Variants in LIN9 observed in about 807,000 individuals in gnomAD.
LIN9 encodes lin-9 DREAM MuvB core complex component.
Under a neutral mutation model 78.0 loss-of-function variants are expected in LIN9, and 18 were observed. The ratio of observed to expected loss-of-function variants is 0.23; its 90% confidence interval spans 0.16 to 0.34. The LOEUF (loss-of-function observed/expected upper bound fraction) is 0.34. Ranked by LOEUF, LIN9 falls within the 10% of genes least tolerant of loss-of-function variation. LIN9 has a pLI of 1.00. For missense variants in LIN9, 451 were observed against 644.1 expected (o/e 0.70, Z 3.25); for synonymous variants, 192 against 215.2 (o/e 0.89, Z 0.94).
intron 11 of LIN9, among the ~76,000 whole-genome samples, chr1:226,241,455 C>T (rs776801831): frequency 6.6e-6 from 1 of 152,164 alleles, no homozygotes; most frequent in African/African-American, 2.4e-5. Context: ...AAGTCTCTAT[C>T]TTCATCTTTT....
chr1:226,255,914 A>G (rs1659161010), intron 10 of LIN9, among the ~76,000 whole-genome samples: 1 of 152,082 alleles, frequency 6.6e-6, no homozygotes, highest in Non-Finnish European at 1.5e-5. Context: ...AAGGAGAGGA[A>G]AGAGAGAAAA....
Position 226,295,859 on chromosome 1 carries a change from C to A in LIN9, c.247G>T (p.Val83Phe). The change falls in exon 4 of 15, where the codon GTT (valine) becomes TTT (phenylalanine). Residue 83 changes from valine (V) to phenylalanine (F), a missense_variant. Coordinates refer to ENST00000681046, the MANE Select transcript of LIN9 (RefSeq NM_001366245.2). ...NTRSPKRNQRVAMVPQKFTAT... is the reference protein window; with the variant it reads ...NTRSPKRNQRFAMVPQKFTAT... Reference sequence around the variant, plus strand: ...ACACATACCTGTGGAACCATTGCAACCCTCTGGTTTCTTTTAGGTGACCTT... The same window carrying A: ...ACACATACCTGTGGAACCATTGCAAACCTCTGGTTTCTTTTAGGTGACCTT... The A allele has an allele frequency of 6.2e-7, 1 of 1,610,838 alleles. No homozygotes were observed. Among genetic ancestry groups the A allele is most frequent in the Non-Finnish European group, 8.5e-7 (1 of 1,178,556 alleles).
intron 8 of LIN9, among the ~76,000 whole-genome samples, chr1:226,267,003 C>T (rs1204064999): frequency 8.9e-4 from 135 of 152,000 alleles, no homozygotes; most frequent in Non-Finnish European, 1.2e-4. Flanking sequence ...TGGTCTTGAA[C>T]TCCTGACATC....
chr1:226,241,752 G>A (rs1422325437), intron 11 of LIN9, among the ~76,000 whole-genome samples: 3 of 152,096 alleles, frequency 2.0e-5, no homozygotes, highest in African/African-American at 7.2e-5. Context: ...CAGCTACTCG[G>A]GAGGCTGAGG....
At position 226,273,811 on chromosome 1, in the gene LIN9, T is replaced by C. The variant is rs1165969187; in HGVS notation, c.682+3964A>G. Reference sequence around the variant, plus strand: ...TTTTGAGCCACAATGGGCTAGGAACTACAATGCTCCCTCTCAACATTACTT... The same window carrying C: ...TTTTGAGCCACAATGGGCTAGGAACCACAATGCTCCCTCTCAACATTACTT... On this transcript the variant is annotated intron_variant, in intron 7 of 14. Coordinates refer to ENST00000681046, the MANE Select transcript of LIN9 (RefSeq NM_001366245.2). Among the ~76,000 whole-genome samples, 12 of 150,900 alleles carry C rather than the reference T, an allele frequency of 8.0e-5. No homozygotes were observed. The Admixed American group carries it at 8.0e-4, about 10-fold the overall frequency.
At chr1:226,286,607 C>G in intron 5 of LIN9, 149 bp from the exon 6 acceptor site, 1 of 594,620 alleles carries the variant, frequency 1.7e-6, no homozygotes, top group Non-Finnish European at 2.8e-6. Flanking sequence ...AAATCCTTGG[C>G]ATTTGTGAAA....
At chr1:226,273,256 A>ATTTTTTTTTTT (rs34679926) in intron 7 of LIN9, among the ~76,000 whole-genome samples, 2 of 87,270 alleles carry the variant, frequency 2.3e-5, no homozygotes, top group Non-Finnish European at 4.4e-5. Flanking sequence ...TAATTAGGTA[A>ATTTTTTTTTTT]TTTTTTTTTT....
chr1:226,287,232 C>T (rs1661429476), intron 5 of LIN9, among the ~76,000 whole-genome samples: 1 of 152,112 alleles, frequency 6.6e-6, no homozygotes, highest in Non-Finnish European at 1.5e-5. Flanking sequence ...TATGTGTATA[C>T]CTAGCGTGCT....
At chr1:226,301,028 ATTAAT>A (rs1388063326) in intron 2 of LIN9, 140 bp downstream of exon 2, 36 of 471,068 alleles carry the variant, frequency 7.6e-5, no homozygotes, top group African/African-American at 4.7e-4. Context: ...ATAAAAGCAT[ATTAAT>A]TTAAGGTTAT....
intron 5 of LIN9, 137 bp from the exon 6 acceptor site, chr1:226,286,595 C>T: frequency 1.6e-6 from 1 of 621,752 alleles, no homozygotes; most frequent in Non-Finnish European, 2.7e-6. Context: ...AGTGCTAAAA[C>T]TAAATCCTTG....
At chr1:226,248,787 G>A (rs1658645750) in intron 11 of LIN9, among the ~76,000 whole-genome samples, 2 of 151,966 alleles carry the variant, frequency 1.3e-5, no homozygotes, top group South Asian at 4.2e-4. Flanking sequence ...TTATGGAGAA[G>A]GCATTATAAA....
intron 11 of LIN9, among the ~76,000 whole-genome samples, chr1:226,241,253 T>C (rs1658090199): frequency 6.6e-6 from 1 of 152,216 alleles, no homozygotes; most frequent in South Asian, 2.1e-4. Context: ...ATGCAGGACA[T>C]GCTGAATTTA....
intron 10 of LIN9, among the ~76,000 whole-genome samples, chr1:226,252,200 G>A (rs1417829355): frequency 1.3e-5 from 2 of 151,838 alleles, no homozygotes. Context: ...GGAGAACTTT[G>A]AGCCTGGGAG....
intron 14 of LIN9, 75 bp downstream of exon 14, chr1:226,233,016 TATGCA>T: frequency 1.2e-6 from 1 of 805,306 alleles, no homozygotes; most frequent in Non-Finnish European, 2.0e-6. Context: ...ACTTCACAAA[TATGCA>T]TAATTCTTAA....
At chr1:226,263,751 G>A (rs1373007034) in intron 10 of LIN9, among the ~76,000 whole-genome samples, 1 of 152,150 alleles carries the variant, frequency 6.6e-6, no homozygotes, top group African/African-American at 2.4e-5. Context: ...AAAGGTATAA[G>A]AAATTTTATA....
At chr1:226,250,965 G>A (rs936992302) in intron 10 of LIN9, 46 bp from the exon 11 acceptor site, 1 of 940,298 alleles carries the variant, frequency 1.1e-6, no homozygotes, top group African/African-American at 1.7e-5. Context: ...AGGCATTTAG[G>A]TATATTGGTT....
Position 226,245,221 on chromosome 1 carries a change from T to C in LIN9, c.1119+5618A>G, listed in dbSNP as rs777555369. On this transcript the variant is annotated intron_variant, in intron 11 of 14. Coordinates refer to ENST00000681046, the MANE Select transcript of LIN9 (RefSeq NM_001366245.2). ...TCAGAATGAAGAATACAAAATAAAC[T>C]GTCAATTTTTGTGCTTAGGTTCACA... 2.6e-5 allele frequency among the ~76,000 whole-genome samples: 4 copies of C among 152,182 alleles called. No individual in the cohort carries two copies. In the East Asian group the frequency reaches 7.7e-4, roughly 29 times the overall value.
chr1:226,248,593 A>C (rs1287446851), intron 11 of LIN9, among the ~76,000 whole-genome samples: 1 of 152,238 alleles, frequency 6.6e-6, no homozygotes, highest in African/African-American at 2.4e-5. Context: ...TGCTGGAAAT[A>C]AATATGTTAA....
chr1:226,283,478 T>C (rs1307261316), intron 6 of LIN9, among the ~76,000 whole-genome samples: 2 of 151,882 alleles, frequency 1.3e-5, no homozygotes, highest in Non-Finnish European at 2.9e-5. Flanking sequence ...CATTTTCTTA[T>C]TGATAGGAGT....
Sources: gnomAD v4.1 joint callset for allele counts (sites outside exome capture counted in the v4.1 genomes callset) on GRCh38, gnomAD v4.1.1 for gene constraint, MANE v1.5 for transcripts, NCBI Gene and HGNC (gene_info 2026-07-23, HGNC 2026-07-21) for gene names.